CHST10: variants seen among roughly 807,000 people sequenced by gnomAD.
CHST10 encodes the protein carbohydrate sulfotransferase 10.
In CHST10, 24 loss-of-function variants were observed where a neutral mutation model predicts 34.7. The ratio of observed to expected loss-of-function variants is 0.69; its 90% CI spans 0.50 to 0.97. CHST10 has a LOEUF of 0.97. Among genes scored for constraint, CHST10 ranks in the 50% least tolerant of loss-of-function variants. CHST10 has a pLI of 0.00. For synonymous variants in CHST10, 161 were observed against 169.3 expected (o/e 0.95, Z 0.38); for missense variants, 402 against 452.1 (o/e 0.89, Z 1.00).
chr2:100,402,571 T>C lies in CHST10; in HGVS notation c.185A>G (p.Glu62Gly). 6.2e-7 allele frequency: 1 copy of C among 1,613,658 alleles called. No homozygotes were observed. Among genetic ancestry groups the C allele is most frequent in the South Asian group, 1.1e-5 (1 of 91,058 alleles). The part of the protein sequence containing the change: ...KLPEEKHIPE[E>G]LKPTGKELPD... ...CGGCCTGGCTGTGCCCACCTTCAGT[T>C]CCTCAGGAATGTGCTTCTCTTCTGG... is the stretch of plus-strand genomic sequence containing the variant. Residue 62 changes from glutamate to glycine, a missense_variant, in exon 4 of 7, where the codon GAA becomes GGA. Transcript: ENST00000264249.
chr2:100,409,282 G>A (rs1675718758), intron 2 of CHST10, among the ~76,000 whole-genome samples: 1 of 152,116 alleles, frequency 6.6e-6, no homozygotes, highest in Admixed American at 6.5e-5. Flanking sequence ...TTCGCCCACT[G>A]AGCTCATCTG....
At chr2:100,405,383 A>G (rs2104363561) in intron 3 of CHST10, among the ~76,000 whole-genome samples, 1 of 152,290 alleles carries the variant, frequency 6.6e-6, no homozygotes, top group East Asian at 1.9e-4. Context: ...TGTCATGGGG[A>G]GAACCACCAT....
Position 100,412,160 on chromosome 2 carries a change from C to T in CHST10, c.-33+2881G>A, listed in dbSNP as rs1454441293. ...TACAAAAAGCAAATGCCCACTCAGC[C>T]ACTGCCCAGTCTCAAGGTCATTTTC... On this transcript the variant is annotated intron_variant, in intron 2 of 6. Transcript: ENST00000264249. Among the ~76,000 whole-genome samples the T allele has an allele frequency of 2.6e-5, 4 of 152,322 alleles. No individual in the cohort carries two copies. The South Asian group carries it at 6.2e-4, about 24-fold the overall frequency.
chr2:100,393,048 C>T lies in CHST10; in HGVS notation c.*197G>A, dbSNP rs1289117973. On this transcript the variant is annotated 3_prime_UTR_variant, in exon 7 of 7. Transcript: ENST00000264249. ...CACGCAGGGGTGTGGGCAGGGTCCT[C>T]AGAGCATCTTACATCCAAACTAAGT... 1 of 615,700 alleles carries T rather than the reference C, an allele frequency of 1.6e-6. No individual in the cohort carries two copies. The highest frequency in any genetic ancestry group is 1.8e-5 in the African/African-American group (1 of 54,134). 38.1% of individuals were successfully genotyped at this position (615,700 alleles called of 1,614,324 possible).
At chr2:100,410,831 A>G (rs1675800438) in intron 2 of CHST10, among the ~76,000 whole-genome samples, 1 of 152,176 alleles carries the variant, frequency 6.6e-6, no homozygotes, top group South Asian at 2.1e-4. Context: ...GTCCAAAAAC[A>G]TTTTCATTTC....
chr2:100,415,227 T>C (rs1676018038), intron 1 of CHST10, 116 bp from the exon 2 acceptor site: 1 of 476,172 alleles, frequency 2.1e-6, no homozygotes, highest in East Asian at 8.0e-5. Flanking sequence ...ATGATTCAAA[T>C]ATATTTGGCA....
At chr2:100,405,702 T>A (rs6723222) in intron 3 of CHST10, among the ~76,000 whole-genome samples, 5,836 of 152,286 alleles carry the variant, frequency 0.038, 361 homozygotes, top group African/African-American at 0.13. Context: ...CAAAGTGCTG[T>A]GCTCATCCAC....
chr2:100,409,232 T>C (rs1473786678), intron 2 of CHST10, among the ~76,000 whole-genome samples: 2 of 152,102 alleles, frequency 1.3e-5, no homozygotes, highest in African/African-American at 4.8e-5. Context: ...GAATCAAATC[T>C]TTCCAATGGA....
At chr2:100,413,714 G>A (rs891417843) in intron 2 of CHST10, among the ~76,000 whole-genome samples, 18 of 152,058 alleles carry the variant, frequency 1.2e-4, no homozygotes, top group African/African-American at 1.7e-4. Context: ...TACCATTCCC[G>A]CCAGCAGCTT....
chr2:100,411,121 T>TC (rs1161256014), intron 2 of CHST10, among the ~76,000 whole-genome samples: 2 of 149,122 alleles, frequency 1.3e-5, no homozygotes, highest in Middle Eastern at 3.2e-3. Flanking sequence ...TTTTTCTTTT[T>TC]TTTTTTTTTT....
At chr2:100,397,814 C>A (rs1345963206) in intron 5 of CHST10, 94 bp downstream of exon 5, 25 of 987,314 alleles carry the variant, frequency 2.5e-5, no homozygotes, top group Non-Finnish European at 3.7e-5. Context: ...GTCAAACCAG[C>A]CCTCTTGTGA....
At chr2:100,416,597 A>C (rs1231696478) in intron 1 of CHST10, 3 of 193,876 alleles carry the variant, frequency 1.5e-5, no homozygotes, top group Admixed American at 1.1e-4. Flanking sequence ...TAATTTTAAC[A>C]GCGTCTGAGA....
At chr2:100,417,287 C>A (rs1415315649) in intron 1 of CHST10, 87 bp downstream of exon 1, 6 of 346,650 alleles carry the variant, frequency 1.7e-5, no homozygotes, top group Non-Finnish European at 2.9e-5. Flanking sequence ...ACAAAACCCG[C>A]GGGTTCCCCG....
intron 4 of CHST10, among the ~76,000 whole-genome samples, chr2:100,399,092 C>T (rs1558636733): frequency 7.3e-6 from 1 of 137,372 alleles, no homozygotes; most frequent in Non-Finnish European, 1.6e-5. Context: ...TGCTACATCT[C>T]TCTCTCTCTC....
At chr2:100,398,222 G>A (rs1042939398) in intron 4 of CHST10, 80 bp from the exon 5 acceptor site, 32 of 964,320 alleles carry the variant, frequency 3.3e-5, no homozygotes, top group Non-Finnish European at 4.9e-5. Context: ...GCTCCTGCTG[G>A]TCTATCCCCT....
rs1674808114 is a variant in CHST10 at position 100,391,913 on chromosome 2, C to CAGA, written c.*1331_*1332insTCT. ...CTTTCACATTGACACAATCAGGAAACCATTCTGAGAAAAGGTAGAGGCCGC... is the reference window on the plus strand; with the variant it reads ...CTTTCACATTGACACAATCAGGAAACAGACATTCTGAGAAAAGGTAGAGGCCGC... On this transcript the variant is annotated 3_prime_UTR_variant, in exon 7 of 7. Coordinates refer to ENST00000264249, the MANE Select transcript of CHST10 (RefSeq NM_004854.5). 6.5e-6 allele frequency: 1 copy of CAGA among 152,704 alleles called. No homozygotes were observed. The highest frequency in any genetic ancestry group is 2.4e-5 in the African/African-American group (1 of 41,476). 9.5% of individuals were successfully genotyped at this position (152,704 alleles called of 1,614,324 possible). A position where few individuals can be genotyped will look rare whatever the true frequency, so the allele number is the denominator to read the frequency against.
chr2:100,397,042 C>A (rs545427427), intron 5 of CHST10, among the ~76,000 whole-genome samples: 6 of 152,254 alleles, frequency 3.9e-5, no homozygotes, highest in South Asian at 4.2e-4. Flanking sequence ...CAGGAGTGAC[C>A]ACCGACTCTG....
intron 5 of CHST10, among the ~76,000 whole-genome samples, chr2:100,396,601 C>T (rs1214941161): frequency 1.3e-5 from 2 of 152,158 alleles, no homozygotes; most frequent in African/African-American, 2.4e-5. Context: ...GCGGTACATG[C>T]TATGGATGGC....
In CHST10 at chr2:100,402,616, A is replaced by G. The variant is rs1675395067; in HGVS notation, c.140T>C (p.Met47Thr). The change falls in exon 4 of 7, where the codon ATG becomes ACG. Residue 47 changes from methionine (M) to threonine (T), a missense_variant. Physicochemically the swap from Met to Thr is moderately conservative, Grantham distance 81. Transcript: ENST00000264249. ...AKQEFLFLTT[M>T]PEVRKLPEEK... is the part of the protein sequence containing the mutation. ...TTCTGGCAACTTCCTCACTTCCGGC[A>G]TGGTTGTCAGGAACAGAAACTCCTG... The G allele has an allele frequency of 6.2e-7, 1 of 1,614,014 alleles. No homozygotes were observed. Among genetic ancestry groups the G allele is most frequent in the African/African-American group, 1.3e-5 (1 of 75,056 alleles).
Sources: gnomAD v4.1 joint callset for allele counts (sites outside exome capture counted in the v4.1 genomes callset) on GRCh38, gnomAD v4.1.1 for gene constraint, MANE v1.5 for transcripts, NCBI Gene and HGNC (gene_info 2026-07-23, HGNC 2026-07-21) for gene names.